The following PIKFYVE variants were observed in gnomAD, a reference collection of about 807,000 sequenced individuals.
PIKFYVE encodes the protein phosphoinositide kinase, FYVE-type zinc finger containing, also known as 1-phosphatidylinositol 3-phosphate 5-kinase.
PIKFYVE carries 122 observed loss-of-function variants against 257.9 expected under a neutral mutation model. The ratio of observed to expected loss-of-function variants is 0.47; its 90% CI spans 0.41 to 0.55. The LOEUF (loss-of-function observed/expected upper bound fraction) is 0.55. PIKFYVE is among the 20% of genes least tolerant of loss of function. The pLI, the probability that PIKFYVE is intolerant of heterozygous loss-of-function variation, is 0.00. For synonymous variants in PIKFYVE, 892 were observed against 868.9 expected, an observed-to-expected ratio of 1.03 and a Z score of -0.47; for missense variants, 2,160 against 2,536.6, an observed-to-expected ratio of 0.85 and a Z score of 3.19.
intron 21 of PIKFYVE, among the ~76,000 whole-genome samples, chr2:208,329,081 A>AT (rs1697238806): frequency 2.6e-5 from 4 of 152,100 alleles, no homozygotes; most frequent in Non-Finnish European, 2.9e-5. Context: ...GTTTTAAATT[A>AT]TTTTTTTCAA....
rs1700011652 is a variant in PIKFYVE at position 208,354,160 on chromosome 2, GT to G, written c.6106+2del. On this transcript the variant is annotated splice_donor_variant, in intron 40 of 41. Transcript: ENST00000264380. LOFTEE classifies it high-confidence loss of function. The stretch of plus-strand genomic sequence containing the variant: ...AATGAGCTAGTAGTTGGAATTATAG[GT>G]AAGTCAATGAGTACCCTGCTTATAT... The G allele has an allele frequency of 6.2e-7, 1 of 1,612,254 alleles. No homozygotes were observed. The highest frequency in any genetic ancestry group is 1.7e-5 in the Admixed American group (1 of 59,986).
Position 208,354,562 on chromosome 2 carries a change from A to G in PIKFYVE, c.6107-9A>G, listed in dbSNP as rs1236711682. ...CTTTATTGCTAATTTCACTCCTTCT[A>G]CCCCCCAGATTATATTCGAACATTT... On this transcript the variant is annotated splice_polypyrimidine_tract_variant and intron_variant, in intron 40 of 41. Coordinates refer to ENST00000264380, the MANE Select transcript of PIKFYVE (RefSeq NM_015040.4). 1.2e-6 allele frequency: 2 copies of G among 1,605,462 alleles called. No homozygotes were observed. Among genetic ancestry groups the G allele is most frequent in the Non-Finnish European group, 1.7e-6 (2 of 1,172,482 alleles).
At chr2:208,302,205 C>G in intron 9 of PIKFYVE, 37 bp from the exon 10 acceptor site, 1 of 1,580,932 alleles carries the variant, frequency 6.3e-7, no homozygotes, top group Non-Finnish European at 8.7e-7. Flanking sequence ...TTCTGACTGA[C>G]TTTTAAAACT....
intron 31 of PIKFYVE, among the ~76,000 whole-genome samples, chr2:208,341,318 G>GT (rs1698681672): frequency 2.0e-5 from 3 of 151,604 alleles, no homozygotes; most frequent in Non-Finnish European, 4.4e-5. Context: ...TTTTAATATA[G>GT]TTTTTTTCTT....
intron 1 of PIKFYVE, among the ~76,000 whole-genome samples, chr2:208,266,873 T>C (rs1219634069): frequency 6.6e-6 from 1 of 152,242 alleles, no homozygotes; most frequent in East Asian, 1.9e-4. Flanking sequence ...TTTTAAATGC[T>C]TGCCTCTGCT....
At chr2:208,342,919 C>T (rs904296052) in intron 32 of PIKFYVE, among the ~76,000 whole-genome samples, 10 of 151,352 alleles carry the variant, frequency 6.6e-5, no homozygotes, top group Non-Finnish European at 8.8e-5. Context: ...CTCAGCCTCC[C>T]GAGTAGCTGG....
At chr2:208,286,054 C>G in intron 6 of PIKFYVE, 121 bp downstream of exon 6, 1 of 1,028,316 alleles carries the variant, frequency 9.7e-7, no homozygotes. Flanking sequence ...TCACTGTGTT[C>G]TCCTTTTTCT....
Position 208,350,763 on chromosome 2 carries a change from G to C in PIKFYVE, c.5435-8G>C. On this transcript the variant is annotated splice_polypyrimidine_tract_variant and splice_region_variant and intron_variant, in intron 36 of 41. Transcript: ENST00000264380. The stretch of plus-strand genomic sequence containing the variant: ...AAAGCTTTTTAAAAAAACTTCTGTT[G>C]TTTATAGAATTTTCAGATGCTAATG... 6.2e-7 allele frequency: 1 copy of C among 1,613,898 alleles called. No individual in the cohort carries two copies. Among genetic ancestry groups the C allele is most frequent in the Non-Finnish European group, 8.5e-7 (1 of 1,179,944 alleles).
At chr2:208,281,158 A>G (rs1574428901) in intron 5 of PIKFYVE, among the ~76,000 whole-genome samples, 2 of 152,248 alleles carry the variant, frequency 1.3e-5, no homozygotes, top group Non-Finnish European at 2.9e-5. Context: ...CAAGTCTTAC[A>G]TGGTAAAACT....
rs767022750 is a variant in PIKFYVE, at chr2:208,276,752, C to T, written c.363C>T (p.Asp121=). 53 of 1,613,516 alleles carry T rather than the reference C, an allele frequency of 3.3e-5. No homozygotes were observed. The highest frequency in any genetic ancestry group is 4.2e-5 in the Non-Finnish European group (50 of 1,179,696). Residue 121 remains aspartate, a synonymous_variant, in exon 4 of 42, where the codon GAC becomes GAT. Transcript: ENST00000264380. ...RKAEPTFGGH[D]PRTAVQLRSL... ...CAGAACCTACCTTTGGAGGTCATGA[C>T]CCTCGTACAGCTGTTCAGCTTCGAA...
chr2:208,344,065 G>A (rs759846319), intron 32 of PIKFYVE, among the ~76,000 whole-genome samples: 6 of 151,744 alleles, frequency 4.0e-5, no homozygotes, highest in Non-Finnish European at 5.9e-5. Flanking sequence ...TGATCCACCC[G>A]CCTCGGCCTC....
In PIKFYVE at chr2:208,325,130, GGTAA is replaced by G. The variant is rs1696770127; in HGVS notation, c.2458+96_2458+99del. 8.2e-6 allele frequency: 13 copies of G among 1,585,804 alleles called. No homozygotes were observed. In the Middle Eastern group the frequency reaches 5.0e-4, roughly 61 times the overall value. On this transcript the variant is annotated intron_variant, in intron 19 of 41. Transcript: ENST00000264380. ...TACTAGGAAATACCTATTAATAGTG[GGTAA>G]GTGAGGATAGGCAACTGTGATCTTA...
Position 208,305,185 on chromosome 2 carries a change from T to C in PIKFYVE, c.1636+172T>C, listed in dbSNP as rs1694178119. The C allele has an allele frequency of 2.0e-6, 3 of 1,512,970 alleles. No homozygotes were observed. The East Asian group carries it at 7.5e-5, about 38-fold the overall frequency. The allele number at this position is 1,512,970 out of a possible 1,614,324, so 93.7% of individuals were successfully genotyped here. On this transcript the variant is annotated intron_variant, in intron 12 of 41. Transcript: ENST00000264380. ...CCACACCTCCTCCCCATACCTTTTT[T>C]GGTTGATTCCTTTTATTTCTTGTTT...
At chr2:208,345,276 C>T (rs1180150540) in intron 33 of PIKFYVE, 82 bp downstream of exon 33, 1 of 1,119,252 alleles carries the variant, frequency 8.9e-7, no homozygotes, top group Non-Finnish European at 1.3e-6. Context: ...TTTATTACAG[C>T]ATTTATCATC....
rs779513989 is a variant in PIKFYVE, at chr2:208,335,821, G to T, written c.4285G>T (p.Glu1429Ter). ...KVSQVYVAIDERLASLKTDTF... is the reference protein window; with the variant it reads ...KVSQVYVAID ...TTCACAGGTATATGTTGCCATTGAT[G>T]AAAGACTTGCATCTTTGAAAACTGA... The change falls in exon 26 of 42, where the codon GAA becomes TAA. Residue 1429 changes from glutamate to a stop codon, truncating the protein, a stop_gained. Transcript: ENST00000264380. LOFTEE classifies it high-confidence loss of function. The T allele has an allele frequency of 1.2e-6, 2 of 1,612,890 alleles. No homozygotes were observed. The highest frequency in any genetic ancestry group is 4.5e-5 in the East Asian group (2 of 44,742).
At position 208,329,805 on chromosome 2, in the gene PIKFYVE, TA is replaced by T. The variant is rs760013456; in HGVS notation, c.3720-35del. 23 of 1,606,948 alleles carry T rather than the reference TA, an allele frequency of 1.4e-5. No individual in the cohort carries two copies. The East Asian group carries it at 4.5e-4, about 31-fold the overall frequency. On this transcript the variant is annotated intron_variant, in intron 21 of 41. Coordinates refer to ENST00000264380, the MANE Select transcript of PIKFYVE (RefSeq NM_015040.4). ...CTCATGAAATGTCTCTGGGGCATGG[TA>T]ATTCTTATGTTTCTAAGAGGTGGTC...
Position 208,315,205 on chromosome 2 carries a change from T to C in PIKFYVE, c.1839T>C (p.His613=). ...AATATTTTTGTAGTTCAGCTAATCATAACCACATGATGGCACTACTCCAGC... is the reference window on the plus strand; with the variant it reads ...AATATTTTTGTAGTTCAGCTAATCACAACCACATGATGGCACTACTCCAGC... ...QAMERLLSAN[H]NHMMALLQQL... The change falls in exon 15 of 42, where the codon CAT becomes CAC. Residue 613 remains histidine, a synonymous_variant. Coordinates refer to ENST00000264380, the MANE Select transcript of PIKFYVE (RefSeq NM_015040.4). 3.7e-6 allele frequency: 6 copies of C among 1,613,686 alleles called. No homozygotes were observed. Among genetic ancestry groups the C allele is most frequent in the Non-Finnish European group, 5.1e-6 (6 of 1,179,620 alleles).
intron 25 of PIKFYVE, 100 bp downstream of exon 25, chr2:208,335,519 A>G (rs1698033437): frequency 1.9e-6 from 2 of 1,053,344 alleles, no homozygotes; most frequent in Non-Finnish European, 2.9e-6. Flanking sequence ...TAAATTTTCT[A>G]ATTGTATGCT....
intron 1 of PIKFYVE, among the ~76,000 whole-genome samples, chr2:208,270,783 C>T (rs1230184491): frequency 1.3e-5 from 2 of 152,092 alleles, no homozygotes; most frequent in Non-Finnish European, 2.9e-5. Context: ...CCTGTAATCC[C>T]AGCACTTTGG....
Sources: gnomAD v4.1 joint callset for allele counts (sites outside exome capture counted in the v4.1 genomes callset) on GRCh38, gnomAD v4.1.1 for gene constraint, MANE v1.5 for transcripts, NCBI Gene and HGNC (gene_info 2026-07-23, HGNC 2026-07-21) for gene names.